The following KCNC2 variants were observed in gnomAD, a reference collection of about 807,000 sequenced individuals.
KCNC2 encodes the protein potassium voltage-gated channel subfamily C member 2.
KCNC2 carries 21 observed loss-of-function variants against 44.5 expected under a neutral mutation model. The ratio of observed to expected loss-of-function variants is 0.47; its 90% CI spans 0.33 to 0.68. The LOEUF (loss-of-function observed/expected upper bound fraction) is 0.68. Ranked by LOEUF, KCNC2 falls within the 30% of genes least tolerant of loss-of-function variation. KCNC2 has a pLI of 0.01. For missense variants in KCNC2, 589 were observed against 826.2 expected (o/e 0.71, Z 3.52); for synonymous variants, 391 against 339.1 (o/e 1.15, Z -1.68).
In KCNC2 at chr12:75,048,191, C is replaced by T; in HGVS notation, c.1742G>A (p.Gly581Asp). The T allele has an allele frequency of 1.2e-6, 2 of 1,613,072 alleles. No homozygotes were observed. The highest frequency in any genetic ancestry group is 1.7e-6 in the Non-Finnish European group (2 of 1,179,366). ...RGETCFLLTT[G>D]DYTCASDGGI... The stretch of plus-strand genomic sequence containing the variant: ...TCCATCAGAAGCACACGTGTAATCA[C>T]CTGTCGTCAGTAGGAAACATGTTTC... The change falls in exon 4 of 5, where the codon GGT becomes GAT. Residue 581 changes from glycine to aspartate, a missense_variant. By Grantham distance (94) the Gly-to-Asp change is moderately conservative. This residue lies in a region of KCNC2 where 171 missense variants were observed against 182.4 expected (regional missense o/e 0.94). Transcript: ENST00000549446.
intron 2 of KCNC2, among the ~76,000 whole-genome samples, chr12:75,070,320 G>T (rs1377937312): frequency 6.6e-6 from 1 of 151,440 alleles, no homozygotes; most frequent in Non-Finnish European, 1.5e-5. Context: ...TCATGGTGGT[G>T]CCTGTCTGTA....
chr12:75,053,516 G>A (rs935889702), intron 2 of KCNC2, among the ~76,000 whole-genome samples: 12 of 151,912 alleles, frequency 7.9e-5, no homozygotes, highest in Non-Finnish European at 1.6e-4. Flanking sequence ...AAAACCAAAA[G>A]TTGCTTGTTT....
At chr12:75,045,632 T>C (rs990206515) in intron 4 of KCNC2, among the ~76,000 whole-genome samples, 14 of 151,968 alleles carry the variant, frequency 9.2e-5, no homozygotes, top group South Asian at 6.2e-4. Context: ...ATATACAGCA[T>C]TCATTTTAAA....
intron 2 of KCNC2, among the ~76,000 whole-genome samples, chr12:75,096,929 T>C (rs1234034097): frequency 6.6e-6 from 1 of 152,052 alleles, no homozygotes; most frequent in Non-Finnish European, 1.5e-5. Context: ...GAATGAGATA[T>C]ATCCACACAA....
chr12:75,190,395 G>A (rs1365150877), intron 2 of KCNC2, among the ~76,000 whole-genome samples: 2 of 152,092 alleles, frequency 1.3e-5, no homozygotes, highest in Non-Finnish European at 2.9e-5. Context: ...ATATTTCAGT[G>A]TTGTGATAGT....
At position 75,074,595 on chromosome 12, in the gene KCNC2, C is replaced by T. The variant is rs377701162; in HGVS notation, c.688-23278G>A. Among the ~76,000 whole-genome samples the T allele has an allele frequency of 1.3e-4, 20 of 152,206 alleles. No individual in the cohort carries two copies. In the South Asian group the frequency reaches 4.1e-3, roughly 32 times the overall value. On this transcript the variant is annotated intron_variant, in intron 2 of 4. Transcript: ENST00000549446. Reference sequence around the variant, plus strand: ...TGTCACTGAAGTCTTGGCTTCTTGGCCCCCGCATGTAATTCAGTGGTTGGA... The same window carrying T: ...TGTCACTGAAGTCTTGGCTTCTTGGTCCCCGCATGTAATTCAGTGGTTGGA...
At chr12:75,109,901 TTTA>T (rs1887088150) in intron 2 of KCNC2, among the ~76,000 whole-genome samples, 1 of 152,070 alleles carries the variant, frequency 6.6e-6, no homozygotes, top group Non-Finnish European at 1.5e-5. Flanking sequence ...TCTAATTTTT[TTTA>T]AATTGGTAGA....
At chr12:75,191,445 A>G (rs1354679901) in intron 2 of KCNC2, among the ~76,000 whole-genome samples, 1 of 149,304 alleles carries the variant, frequency 6.7e-6, no homozygotes, top group Non-Finnish European at 1.5e-5. Flanking sequence ...TAAATAATTT[A>G]ACTATAAAGA....
chr12:75,114,960 G>A (rs1887545477), intron 2 of KCNC2, among the ~76,000 whole-genome samples: 1 of 147,724 alleles, frequency 6.8e-6, no homozygotes, highest in Non-Finnish European at 1.5e-5. Context: ...GCCCCCCGGG[G>A]TTCACGCCAT....
intron 2 of KCNC2, among the ~76,000 whole-genome samples, chr12:75,055,304 CAATGAAAAATGAATATTGAAGCA>C (rs1881620748): frequency 1.4e-5 from 2 of 141,384 alleles, no homozygotes; most frequent in African/African-American, 5.3e-5. Flanking sequence ...ATAAATCAAA[CAATGAAAAATGAATATTGAAGCA>C]AAAAAAAAAG....
intron 2 of KCNC2, among the ~76,000 whole-genome samples, chr12:75,137,663 C>T (rs987357959): frequency 1.3e-5 from 2 of 152,146 alleles, no homozygotes; most frequent in African/African-American, 2.4e-5. Flanking sequence ...TACAGATCAT[C>T]CATATTTCCG....
At chr12:75,195,370 CA>C (rs1442773253) in intron 2 of KCNC2, among the ~76,000 whole-genome samples, 1 of 152,008 alleles carries the variant, frequency 6.6e-6, no homozygotes, top group Non-Finnish European at 1.5e-5. Context: ...AAAAAAATCA[CA>C]AAATATAATA....
chr12:75,153,417 G>A (rs1359078204), intron 2 of KCNC2, among the ~76,000 whole-genome samples: 1 of 151,858 alleles, frequency 6.6e-6, no homozygotes, highest in Non-Finnish European at 1.5e-5. Flanking sequence ...GCTAAATAAT[G>A]TGTACACATG....
chr12:75,160,157 GCCCTAAT>G (rs1462270484), intron 2 of KCNC2, among the ~76,000 whole-genome samples: 1 of 151,598 alleles, frequency 6.6e-6, no homozygotes, highest in East Asian at 1.9e-4. Flanking sequence ...GTAAGGCTAG[GCCCTAAT>G]CCCATATAAT....
At chr12:75,080,200 T>C (rs1884358027) in intron 2 of KCNC2, among the ~76,000 whole-genome samples, 1 of 152,180 alleles carries the variant, frequency 6.6e-6, no homozygotes, top group Non-Finnish European at 1.5e-5. Context: ...ATTGGAAATA[T>C]TTTTTAATCA....
chr12:75,164,537 G>A lies in KCNC2; in HGVS notation c.687+42760C>T, dbSNP rs929633730. 3.3e-5 allele frequency among the ~76,000 whole-genome samples: 5 copies of A among 151,678 alleles called. No homozygotes were observed. The East Asian group carries it at 9.7e-4, about 29-fold the overall frequency. ...CTGTTCCTGCAGGCTTTCACTTAAT[G>A]CATTTGGGCACAAGTATCGATCCTC... On this transcript the variant is annotated intron_variant, in intron 2 of 4. Transcript: ENST00000549446.
At chr12:75,170,650 T>A (rs749035866) in intron 2 of KCNC2, among the ~76,000 whole-genome samples, 6 of 151,828 alleles carry the variant, frequency 4.0e-5, no homozygotes, top group Non-Finnish European at 7.4e-5. Flanking sequence ...AAGACTAGCA[T>A]GTCACAATGA....
At chr12:75,202,502 T>C (rs2031365792) in intron 2 of KCNC2, among the ~76,000 whole-genome samples, 1 of 151,796 alleles carries the variant, frequency 6.6e-6, no homozygotes, top group Non-Finnish European at 1.5e-5. Flanking sequence ...GCAGACTCTT[T>C]TGAGGAATAT....
chr12:75,057,611 A>G (rs1344250551), intron 2 of KCNC2, among the ~76,000 whole-genome samples: 3 of 151,972 alleles, frequency 2.0e-5, no homozygotes, highest in Admixed American at 2.0e-4. Context: ...AAAAAAGATT[A>G]GACTTCAGGT....
Sources: gnomAD v4.1 joint callset for allele counts (sites outside exome capture counted in the v4.1 genomes callset) on GRCh38, gnomAD v4.1.1 for gene constraint, gnomAD v4.1.1 regional missense constraint, MANE v1.5 for transcripts, NCBI Gene and HGNC (gene_info 2026-07-23, HGNC 2026-07-21) for gene names.